The following SLC24A2 variants were observed in gnomAD, a reference collection of about 807,000 sequenced individuals.
SLC24A2 encodes the protein solute carrier family 24 member 2, also known as sodium/potassium/calcium exchanger 2.
Under a neutral mutation model 62.0 loss-of-function variants are expected in SLC24A2, and 36 were observed. The observed-to-expected ratio is 0.58, with a 90% CI of 0.44 to 0.77. The LOEUF (loss-of-function observed/expected upper bound fraction) is 0.77. Among genes scored for constraint, SLC24A2 ranks in the 30% least tolerant of loss-of-function variants. SLC24A2 has a pLI of 0.00. For synonymous variants in SLC24A2, 358 were observed against 294.0 expected, an observed-to-expected ratio of 1.22 and a Z score of -2.23; for missense variants, 846 against 817.9, an observed-to-expected ratio of 1.03 and a Z score of -0.42.
At chr9:19,620,419 T>C (rs1817880577) in intron 3 of SLC24A2, among the ~76,000 whole-genome samples, 2 of 152,130 alleles carry the variant, frequency 1.3e-5, no homozygotes, top group Admixed American at 6.6e-5. Context: ...TTAAGTGAGA[T>C]TCAAGGAGCA....
At chr9:19,773,944 G>A (rs534429024) in intron 2 of SLC24A2, among the ~76,000 whole-genome samples, 17 of 152,322 alleles carry the variant, frequency 1.1e-4, no homozygotes, top group African/African-American at 4.1e-4. Flanking sequence ...TAAAAGGAAA[G>A]CAAGGTCAAG....
the SLC24A2 span, among the ~76,000 whole-genome samples, chr9:19,897,150 T>C: frequency 6.6e-6 from 1 of 152,188 alleles, no homozygotes; most frequent in African/African-American, 2.4e-5. Context: ...AACTGGGCCT[T>C]GGTAGAACTC....
At chr9:19,665,134 C>G (rs745599563) in intron 2 of SLC24A2, among the ~76,000 whole-genome samples, 1 of 152,090 alleles carries the variant, frequency 6.6e-6, no homozygotes, top group East Asian at 1.9e-4. Flanking sequence ...TGAGGAAAGC[C>G]GGTGAGAAGC....
intron 5 of SLC24A2, among the ~76,000 whole-genome samples, chr9:19,578,223 T>A (rs1254580290): frequency 6.6e-6 from 1 of 151,998 alleles, no homozygotes; most frequent in Non-Finnish European, 1.5e-5. Context: ...TGTACCCCAA[T>A]AACTTATGGA....
At chr9:19,896,356 C>T in the SLC24A2 span, among the ~76,000 whole-genome samples, 2 of 152,150 alleles carry the variant, frequency 1.3e-5, no homozygotes, top group Non-Finnish European at 2.9e-5. Context: ...CTGGTCTTTC[C>T]AGTTAAACAG....
chr9:20,166,664 T>TA, the SLC24A2 span, among the ~76,000 whole-genome samples: 1 of 151,958 alleles, frequency 6.6e-6, no homozygotes, highest in African/African-American at 2.4e-5. Context: ...ATTGGTTACT[T>TA]ACAAAAGGTA....
chr9:20,118,000 C>A, the SLC24A2 span, among the ~76,000 whole-genome samples: 1 of 152,028 alleles, frequency 6.6e-6, no homozygotes, highest in African/African-American at 2.4e-5. Context: ...TCAAGTCTTA[C>A]CACCTTCAGC....
intron 4 of SLC24A2, among the ~76,000 whole-genome samples, chr9:19,614,420 C>A (rs371084580): frequency 6.6e-6 from 1 of 152,160 alleles, no homozygotes; most frequent in African/African-American, 2.4e-5. Flanking sequence ...CTTTGTCCCC[C>A]CTACATAATG....
chr9:20,077,745 T>C, the SLC24A2 span, among the ~76,000 whole-genome samples: 4 of 152,214 alleles, frequency 2.6e-5, no homozygotes, highest in African/African-American at 7.2e-5. Flanking sequence ...CAAGAGCATG[T>C]GATAGTTGCA....
At chr9:19,577,224 C>A (rs958846835) in intron 5 of SLC24A2, among the ~76,000 whole-genome samples, 1 of 152,178 alleles carries the variant, frequency 6.6e-6, no homozygotes, top group Admixed American at 6.5e-5. Flanking sequence ...ATTTGAGAAT[C>A]TCTTCCCTCC....
At chr9:19,682,275 T>C (rs142983948) in intron 2 of SLC24A2, among the ~76,000 whole-genome samples, 3 of 152,284 alleles carry the variant, frequency 2.0e-5, no homozygotes, top group East Asian at 3.9e-4. Flanking sequence ...TGAAATGACA[T>C]TGAATGTTTG....
the SLC24A2 span, among the ~76,000 whole-genome samples, chr9:20,225,114 A>G: frequency 6.6e-6 from 1 of 152,126 alleles, no homozygotes; most frequent in Non-Finnish European, 1.5e-5. Context: ...TAGCACAAGA[A>G]AGTCTGTCTC....
At chr9:19,907,156 G>A in the SLC24A2 span, among the ~76,000 whole-genome samples, 4 of 152,222 alleles carry the variant, frequency 2.6e-5, no homozygotes, top group Non-Finnish European at 5.9e-5. Flanking sequence ...TCCCTGGGAT[G>A]CAAGGCTGGT....
chr9:19,950,850 T>C, the SLC24A2 span, among the ~76,000 whole-genome samples: 17 of 152,092 alleles, frequency 1.1e-4, no homozygotes, highest in Non-Finnish European at 2.2e-4. Flanking sequence ...AAAAATAGAT[T>C]GAAACATCCC....
At chr9:20,162,257 T>C in the SLC24A2 span, among the ~76,000 whole-genome samples, 225 of 151,098 alleles carry the variant, frequency 1.5e-3, 1 homozygote, top group Non-Finnish European at 1.6e-3. Context: ...CAAAATAGGC[T>C]TCATCTACAC....
At chr9:20,240,419 A>T in the SLC24A2 span, among the ~76,000 whole-genome samples, 1 of 152,030 alleles carries the variant, frequency 6.6e-6, no homozygotes, top group African/African-American at 2.4e-5. Context: ...AACCTCATGA[A>T]AGCTCAAGAC....
At chr9:20,149,466 T>A in the SLC24A2 span, among the ~76,000 whole-genome samples, 2 of 151,912 alleles carry the variant, frequency 1.3e-5, no homozygotes, top group Admixed American at 6.6e-5. Flanking sequence ...ATGTCTAAGA[T>A]CAGAGATTGG....
chr9:20,149,033 G>A, the SLC24A2 span, among the ~76,000 whole-genome samples: 8 of 152,022 alleles, frequency 5.3e-5, no homozygotes, highest in African/African-American at 1.9e-4. Flanking sequence ...CCTTTTTAAT[G>A]TATGTATGAA....
chr9:20,186,189 T>C, the SLC24A2 span, among the ~76,000 whole-genome samples: 2 of 152,186 alleles, frequency 1.3e-5, no homozygotes, highest in Non-Finnish European at 2.9e-5. Context: ...CCTGATCATT[T>C]GACCAGTCTT....
Sources: gnomAD v4.1 joint callset for allele counts (sites outside exome capture counted in the v4.1 genomes callset) on GRCh38, gnomAD v4.1.1 for gene constraint, MANE v1.5 for transcripts, NCBI Gene and HGNC (gene_info 2026-07-23, HGNC 2026-07-21) for gene names.